Variants in CHEK1 observed in about 807,000 individuals in gnomAD.
The protein encoded by CHEK1 is serine/threonine-protein kinase Chk1.
In CHEK1, 32 loss-of-function variants were observed where a neutral mutation model predicts 60.2. That is an observed-to-expected ratio of 0.53 (90% CI 0.40 to 0.71). The LOEUF (loss-of-function observed/expected upper bound fraction) is 0.71. Ranked by LOEUF, CHEK1 falls within the 30% of genes least tolerant of loss-of-function variation. The pLI is 0.00. For synonymous variants in CHEK1, 179 were observed against 187.2 expected (o/e 0.96, Z 0.36); for missense variants, 399 against 564.6 (o/e 0.71, Z 2.97).
intron 13 of CHEK1, among the ~76,000 whole-genome samples, chr11:125,670,648 T>G (rs2134097309): frequency 6.6e-6 from 1 of 152,310 alleles, no homozygotes; most frequent in Middle Eastern, 3.4e-3. Context: ...GTGGCTGTCT[T>G]ATTTTCAGGA....
At chr11:125,668,438 T>C (rs1942137710) in intron 13 of CHEK1, among the ~76,000 whole-genome samples, 1 of 152,218 alleles carries the variant, frequency 6.6e-6, no homozygotes. Context: ...TTGTTGATAT[T>C]TGGATTTTTG....
chr11:125,676,295 C>T (rs144174102), downstream of CHEK1: 78 of 1,586,388 alleles, frequency 4.9e-5, no homozygotes, highest in Non-Finnish European at 6.5e-5. Context: ...ATTCCAACTG[C>T]CCCCTACCAG....
At chr11:125,669,522 C>CTTTTTTTTTTTTTTTTTTTTTTTTTCTT (rs67333022) in intron 13 of CHEK1, among the ~76,000 whole-genome samples, 14 of 114,702 alleles carry the variant, frequency 1.2e-4, no homozygotes, top group East Asian at 2.6e-4. Flanking sequence ...TTCTTTTTTC[C>CTTTTTTTTTTTTTTTTTTTTTTTTTCTT]TTTTTTTTTT....
intron 13 of CHEK1, among the ~76,000 whole-genome samples, chr11:125,665,526 A>C (rs996752203): frequency 6.6e-6 from 1 of 151,914 alleles, no homozygotes; most frequent in Non-Finnish European, 1.5e-5. Context: ...CCTCCTCTTC[A>C]CTTTTTTGAG....
At chr11:125,668,880 A>C (rs1942146665) in intron 13 of CHEK1, among the ~76,000 whole-genome samples, 1 of 152,086 alleles carries the variant, frequency 6.6e-6, no homozygotes, top group South Asian at 2.1e-4. Context: ...TTAGCTTTTT[A>C]ACTGTACCTT....
At chr11:125,629,925 T>A (rs1940799090) in intron 5 of CHEK1, among the ~76,000 whole-genome samples, 1 of 151,902 alleles carries the variant, frequency 6.6e-6, no homozygotes, top group Non-Finnish European at 1.5e-5. Context: ...AGTCTTCCTG[T>A]GTTGCTCAGG....
intron 8 of CHEK1, chr11:125,643,500 G>GA (rs1222371143): frequency 0.021 from 3,775 of 182,760 alleles, 6 homozygotes; most frequent in Middle Eastern, 0.037. Flanking sequence ...CTCAAAAAAA[G>GA]AAAAAAAAAA....
At chr11:125,657,760 C>A (rs983425203), downstream of CHEK1, among the ~76,000 whole-genome samples, 6 of 151,948 alleles carry the variant, frequency 3.9e-5, no homozygotes, top group Non-Finnish European at 8.8e-5. Context: ...GTGTACAGTT[C>A]GATGCTATTA....
Position 125,643,692 on chromosome 11 carries a change from T to C in CHEK1, c.815-100T>C, listed in dbSNP as rs1331654332. On this transcript the variant is annotated intron_variant, in intron 8 of 12. Transcript: ENST00000438015. ...AAAAATTTTGTGTTAAATAAATAGATTTAGACATAGTTTTACTTCTTCAAG... is the reference window on the plus strand; with the variant it reads ...AAAAATTTTGTGTTAAATAAATAGACTTAGACATAGTTTTACTTCTTCAAG... 4.9e-6 allele frequency: 4 copies of C among 820,232 alleles called. No homozygotes were observed. The African/African-American group carries it at 5.2e-5, about 11-fold the overall frequency. The allele number at this position is 820,232 out of a possible 1,614,324, so 50.8% of individuals were successfully genotyped here.
At chr11:125,631,531 C>T (rs968427642) in intron 5 of CHEK1, among the ~76,000 whole-genome samples, 4 of 151,982 alleles carry the variant, frequency 2.6e-5, no homozygotes, top group Admixed American at 2.6e-4. Flanking sequence ...ATTTGAAACT[C>T]AATCTCAGTG....
downstream of CHEK1, chr11:125,676,325 C>T (rs1228925098): frequency 6.2e-7 from 1 of 1,612,774 alleles, no homozygotes; most frequent in Non-Finnish European, 8.5e-7. Flanking sequence ...GATGTGTTCT[C>T]AGGCAGAAAT....
Position 125,627,801 on chromosome 11 carries a change from G to A in CHEK1, c.260G>A (p.Cys87Tyr), listed in dbSNP as rs767610516. ...GNIQYLFLEY[C>Y]SGGELFDRIE... The stretch of plus-strand genomic sequence containing the variant: ...ATCCAATATTTATTTCTGGAGTACT[G>A]TAGTGGAGGAGAGCTTTTTGACAGA... The change falls in exon 3 of 13, where the codon TGT (cysteine) becomes TAT (tyrosine). Residue 87 changes from cysteine (C) to tyrosine (Y), a missense_variant. Cys to Tyr is a radical substitution (Grantham distance 194, BLOSUM62 -2). This residue lies in a region of CHEK1 where 370 missense variants were observed against 494.8 expected (regional missense o/e 0.75). Transcript: ENST00000438015. 2 of 1,608,944 alleles carry A rather than the reference G, an allele frequency of 1.2e-6. No homozygotes were observed. Among genetic ancestry groups the A allele is most frequent in the Admixed American group, 3.4e-5 (2 of 59,366 alleles).
intron 10 of CHEK1, 111 bp from the exon 11 acceptor site, chr11:125,644,401 G>A (rs1941423579): frequency 1.5e-6 from 2 of 1,355,688 alleles, no homozygotes; most frequent in Admixed American, 4.7e-5. Context: ...AAGGAAGAAA[G>A]AGAGGAGGGA....
intron 11 of CHEK1, among the ~76,000 whole-genome samples, chr11:125,644,889 T>A (rs927939303): frequency 1.3e-5 from 2 of 151,892 alleles, no homozygotes; most frequent in Non-Finnish European, 2.9e-5. Context: ...ATGGCTGTAA[T>A]CCCAGCTTCT....
At chr11:125,657,675 T>TA (rs1474456829), downstream of CHEK1, among the ~76,000 whole-genome samples, 1 of 152,210 alleles carries the variant, frequency 6.6e-6, no homozygotes, top group Non-Finnish European at 1.5e-5. Context: ...ATTGAATTCA[T>TA]TAATTTTAAT....
At chr11:125,661,056 G>A (rs1480854227), downstream of CHEK1, among the ~76,000 whole-genome samples, 4 of 152,096 alleles carry the variant, frequency 2.6e-5, no homozygotes, top group Non-Finnish European at 4.4e-5. Flanking sequence ...GATTACAAGC[G>A]TGAGCCACTG....
chr11:125,648,664 T>C lies in CHEK1; in HGVS notation c.1233+4021T>C, dbSNP rs532541368. On this transcript the variant is annotated intron_variant, in intron 11 of 12. Transcript: ENST00000438015. ...TTTTTTTTTTTTAACCCAGATGCCT[T>C]TTAATTCTTTTTGTTTAGTTGTCCT... Among the ~76,000 whole-genome samples, 6 of 152,066 alleles carry C rather than the reference T, an allele frequency of 3.9e-5. No homozygotes were observed. The South Asian group carries it at 1.3e-3, about 32-fold the overall frequency.
chr11:125,646,569 G>A lies in CHEK1; in HGVS notation c.1233+1926G>A, dbSNP rs528495144. Reference sequence around the variant, plus strand: ...GTGAAATGATTTTTCCAAAGCACCTGTACCATTTTACGTTCCCATCAGTAA... The same window carrying A: ...GTGAAATGATTTTTCCAAAGCACCTATACCATTTTACGTTCCCATCAGTAA... On this transcript the variant is annotated intron_variant, in intron 11 of 12. Transcript: ENST00000438015. Among the ~76,000 whole-genome samples the A allele has an allele frequency of 5.9e-5, 9 of 152,254 alleles. No homozygotes were observed. The South Asian group carries it at 1.9e-3, about 32-fold the overall frequency.
chr11:125,640,706 A>G (rs1045583053), intron 8 of CHEK1, among the ~76,000 whole-genome samples: 33 of 152,006 alleles, frequency 2.2e-4, no homozygotes, highest in African/African-American at 7.5e-4. Context: ...AGTAGCTGGG[A>G]CTACAGGTGT....
Sources: allele counts gnomAD v4.1 joint callset (sites outside exome capture counted in the v4.1 genomes callset), GRCh38; gene constraint gnomAD v4.1.1; regional missense constraint gnomAD v4.1.1; transcripts MANE v1.5; gene names NCBI Gene and HGNC (gene_info 2026-07-23, HGNC 2026-07-21).